The following WDTC1 variants were observed in gnomAD, a reference collection of about 807,000 sequenced individuals.
WDTC1 encodes WD and tetratricopeptide repeats protein 1.
Under a neutral mutation model 76.0 loss-of-function variants are expected in WDTC1, and 12 were observed. The observed-to-expected ratio is 0.16, with a 90% CI of 0.10 to 0.26. WDTC1 has a LOEUF of 0.26. Ranked by LOEUF, WDTC1 falls within the 10% of genes least tolerant of loss-of-function variation. The pLI is 1.00. For missense variants in WDTC1, 511 were observed against 908.8 expected, an observed-to-expected ratio of 0.56 and a Z score of 5.63; for synonymous variants, 326 against 350.8, an observed-to-expected ratio of 0.93 and a Z score of 0.79.
intron 1 of WDTC1, among the ~76,000 whole-genome samples, chr1:27,244,548 G>C (rs1002231695): frequency 6.6e-6 from 1 of 152,100 alleles, no homozygotes; most frequent in Non-Finnish European, 1.5e-5. Context: ...ATCTTACTCT[G>C]TTGCCCAGAC....
intron 1 of WDTC1, among the ~76,000 whole-genome samples, chr1:27,251,540 C>G (rs1035376614): frequency 6.6e-6 from 1 of 152,050 alleles, no homozygotes; most frequent in Non-Finnish European, 1.5e-5. Flanking sequence ...ACCTTTGGGC[C>G]GGAGCACAGT....
At position 27,247,898 on chromosome 1, in the gene WDTC1, A is replaced by T. The variant is rs113113920; in HGVS notation, c.-100+12947A>T. Among the ~76,000 whole-genome samples, 1,090 of 152,096 alleles carry T rather than the reference A, an allele frequency of 7.2e-3. 19 individuals carry two copies. Among genetic ancestry groups the T allele is most frequent in the African/African-American group, 0.026 (1,064 of 41,518 alleles). ...CATGCCTGCCTAATTTTATAGTGTT[A>T]GTAGAGACGGGGTTTCTCCACGTTG... On this transcript the variant is annotated intron_variant, in intron 1 of 15. Coordinates refer to ENST00000319394, the MANE Select transcript of WDTC1 (RefSeq NM_001276252.2).
At chr1:27,283,908 C>T (rs1397834225) in intron 5 of WDTC1, among the ~76,000 whole-genome samples, 1 of 152,132 alleles carries the variant, frequency 6.6e-6, no homozygotes, top group East Asian at 1.9e-4. Context: ...GTTGATGTGA[C>T]AGTTCAATGA....
rs2012402996 is a variant in WDTC1, at chr1:27,259,432, T to G, written c.-99-1524T>G. On this transcript the variant is annotated intron_variant, in intron 1 of 15. Transcript: ENST00000319394. Reference sequence around the variant, plus strand: ...GTCCTCCCACCTCAACCTCCCAAAGTACTGGGATTACAGGCATGAGCCACT... The same window carrying G: ...GTCCTCCCACCTCAACCTCCCAAAGGACTGGGATTACAGGCATGAGCCACT... Among the ~76,000 whole-genome samples, 6 of 150,940 alleles carry G rather than the reference T, an allele frequency of 4.0e-5. No homozygotes were observed. In the South Asian group the frequency reaches 1.3e-3, roughly 32 times the overall value.
chr1:27,305,722 A>G lies in WDTC1; in HGVS notation c.1837-464A>G, dbSNP rs759941266. On this transcript the variant is annotated intron_variant, in intron 15 of 15. Coordinates refer to ENST00000319394, the MANE Select transcript of WDTC1 (RefSeq NM_001276252.2). The surrounding 1 kb of genome is among the most constrained non-coding windows in gnomAD (Gnocchi z 4.6). ...TTCCCAGCTGGCAAAACAAAAGTCA[A>G]GTGGTATGTCTGATTCCCAAGATAA... is the stretch of plus-strand genomic sequence containing the variant. 1.9e-4 allele frequency among the ~76,000 whole-genome samples: 29 copies of G among 152,084 alleles called. No homozygotes were observed. Among genetic ancestry groups the G allele is most frequent in the Non-Finnish European group, 1.0e-4 (7 of 68,010 alleles).
intron 12 of WDTC1, among the ~76,000 whole-genome samples, chr1:27,299,553 G>C (rs2013779442): frequency 6.6e-6 from 1 of 151,984 alleles, no homozygotes; most frequent in Non-Finnish European, 1.5e-5. Flanking sequence ...TGGGGGTGGG[G>C]GACTGACTGA....
In WDTC1 at chr1:27,294,004, G is replaced by T. The variant is rs759960588; in HGVS notation, c.663-18G>T. 3 of 1,613,184 alleles carry T rather than the reference G, an allele frequency of 1.9e-6. No individual in the cohort carries two copies. The highest frequency in any genetic ancestry group is 2.2e-5 in the South Asian group (2 of 91,010). On this transcript the variant is annotated intron_variant, in intron 7 of 15. Transcript: ENST00000319394. ...GCAGTGCTGTAACTTTAACCTATAT[G>T]ATTTTCCTTCCCACCAGAAAGAGCA...
In WDTC1 at chr1:27,266,943, T is replaced by C. The variant is rs1570956311; in HGVS notation, c.132+3708T>C. On this transcript the variant is annotated intron_variant, in intron 3 of 15. Coordinates refer to ENST00000319394, the MANE Select transcript of WDTC1 (RefSeq NM_001276252.2). ...AAGGGAAGCTGAAAGAGAACTATTA[T>C]GAGATAGTGTCAGACATTTAGTAGA... 2.6e-5 allele frequency among the ~76,000 whole-genome samples: 4 copies of C among 152,356 alleles called. No individual in the cohort carries two copies. In the South Asian group the frequency reaches 8.3e-4, roughly 32 times the overall value.
At chr1:27,236,162 G>T (rs961208791) in intron 1 of WDTC1, among the ~76,000 whole-genome samples, 1 of 152,138 alleles carries the variant, frequency 6.6e-6, no homozygotes, top group Non-Finnish European at 1.5e-5. Flanking sequence ...TCTGTCTTGA[G>T]TTCTGGCTTA....
rs1350702363 is a variant in WDTC1, at chr1:27,287,862, G to A, written c.479+1G>A. 2 of 1,611,686 alleles carry A rather than the reference G, an allele frequency of 1.2e-6. No homozygotes were observed. Among genetic ancestry groups the A allele is most frequent in the Non-Finnish European group, 1.7e-6 (2 of 1,178,910 alleles). ...GTGCTGCTGAGGATGGGCTTATCCG[G>A]TAAGAGTCTGGGGCATCTAGTGGAG... On this transcript the variant is annotated splice_donor_variant, in intron 6 of 15. Transcript: ENST00000319394. LOFTEE classifies it high-confidence loss of function.
intron 3 of WDTC1, among the ~76,000 whole-genome samples, chr1:27,268,427 T>C (rs111442672): frequency 6.6e-6 from 1 of 151,062 alleles, no homozygotes. Context: ...TGTTTGTTTG[T>C]GGTTTTTTTG....
At chr1:27,298,138 G>A in intron 12 of WDTC1, 27 bp downstream of exon 12, 4 of 1,553,616 alleles carry the variant, frequency 2.6e-6, no homozygotes, top group Non-Finnish European at 3.5e-6. Flanking sequence ...GAGGGGATCT[G>A]GGTCAGGATG....
At chr1:27,255,873 C>T (rs555886278) in intron 1 of WDTC1, among the ~76,000 whole-genome samples, 61 of 152,214 alleles carry the variant, frequency 4.0e-4, no homozygotes, top group African/African-American at 1.3e-3. Context: ...CCGGCCAAAA[C>T]TTTTTGAACC....
Position 27,261,111 on chromosome 1 carries a change from C to A in WDTC1, c.48+9C>A, listed in dbSNP as rs752872943. 2 of 1,613,964 alleles carry A rather than the reference C, an allele frequency of 1.2e-6. No individual in the cohort carries two copies. Among genetic ancestry groups the A allele is most frequent in the Non-Finnish European group, 1.7e-6 (2 of 1,179,886 alleles). ...TCCGTAGGCAGATCAAGGTAAGCAG[C>A]CCAGACTTCTGCACCAGATCATGAG... On this transcript the variant is annotated intron_variant, in intron 2 of 15. Transcript: ENST00000319394.
At chr1:27,269,621 G>GTTTTTTTTTT (rs538857228) in intron 3 of WDTC1, among the ~76,000 whole-genome samples, 2 of 126,868 alleles carry the variant, frequency 1.6e-5, no homozygotes. Flanking sequence ...TTTTTTTTCG[G>GTTTTTTTTTT]TTTTTTTTTT....
intron 3 of WDTC1, among the ~76,000 whole-genome samples, chr1:27,267,507 G>A (rs1005736069): frequency 1.3e-5 from 2 of 151,970 alleles, no homozygotes; most frequent in Non-Finnish European, 2.9e-5. Flanking sequence ...TTTTTTAATA[G>A]GTCAATATTC....
chr1:27,247,712 C>CTTT (rs35930144), intron 1 of WDTC1, among the ~76,000 whole-genome samples: 3 of 136,552 alleles, frequency 2.2e-5, no homozygotes, highest in Admixed American at 7.5e-5. Context: ...CATTTTCTTT[C>CTTT]TTTTTTTTTT....
chr1:27,288,930 G>C (rs1381572924), intron 6 of WDTC1, among the ~76,000 whole-genome samples: 1 of 150,842 alleles, frequency 6.6e-6, no homozygotes, highest in Non-Finnish European at 1.5e-5. Context: ...GGGGTGGCCG[G>C]GCAGAGGCAC....
At chr1:27,254,113 C>CA (rs199608954) in intron 1 of WDTC1, among the ~76,000 whole-genome samples, 5,304 of 150,610 alleles carry the variant, frequency 0.035, 134 homozygotes, top group Middle Eastern at 0.051. Flanking sequence ...AAAACAAAAA[C>CA]AAAAAAAAGA....
Sources: gnomAD v4.1 joint callset for allele counts (sites outside exome capture counted in the v4.1 genomes callset) on GRCh38, gnomAD v4.1.1 for gene constraint, Gnocchi (gnomAD v3.1) non-coding constraint, MANE v1.5 for transcripts, NCBI Gene and HGNC (gene_info 2026-07-23, HGNC 2026-07-21) for gene names.